Variants in MAN1A2 observed in about 807,000 individuals in gnomAD.
MAN1A2 encodes mannosyl-oligosaccharide 1,2-alpha-mannosidase IB.
In MAN1A2, 26 loss-of-function variants were observed where a neutral mutation model predicts 75.7. The ratio of observed to expected loss-of-function variants is 0.34; its 90% CI spans 0.25 to 0.48. The LOEUF (loss-of-function observed/expected upper bound fraction) is 0.48. Among genes scored for constraint, MAN1A2 ranks in the 20% least tolerant of loss-of-function variants. The pLI is 0.99. For missense variants in MAN1A2, 562 were observed against 775.5 expected, an observed-to-expected ratio of 0.72 and a Z score of 3.27; for synonymous variants, 247 against 264.6, an observed-to-expected ratio of 0.93 and a Z score of 0.65.
At chr1:117,438,959 C>T (rs1648937448) in intron 5 of MAN1A2, among the ~76,000 whole-genome samples, 1 of 152,040 alleles carries the variant, frequency 6.6e-6, no homozygotes, top group Admixed American at 6.6e-5. Flanking sequence ...TGGGATGGGG[C>T]ATAAAGGAGT....
At chr1:117,403,107 G>A (rs908226311) in intron 2 of MAN1A2, among the ~76,000 whole-genome samples, 4 of 152,138 alleles carry the variant, frequency 2.6e-5, no homozygotes, top group Non-Finnish European at 5.9e-5. Flanking sequence ...TCTGGGTGGA[G>A]TTTGTGATTA....
At position 117,526,594 on chromosome 1, in the gene MAN1A2, C is replaced by T. The variant is rs1303843370; in HGVS notation, c.*3637C>T. On this transcript the variant is annotated 3_prime_UTR_variant, in exon 13 of 13. Coordinates refer to ENST00000356554, the MANE Select transcript of MAN1A2 (RefSeq NM_006699.5). ...TCACTTTAATTGCATAATTAAAAAG[C>T]AGTGTTTTATAGAAATGCTGGTTAT... The T allele has an allele frequency of 6.6e-6, 1 of 151,012 alleles. No homozygotes were observed. The allele number at this position is 151,012 out of a possible 1,614,324, so 9.4% of individuals were successfully genotyped here.
At chr1:117,440,685 G>T (rs12121217) in intron 5 of MAN1A2, among the ~76,000 whole-genome samples, 17,612 of 151,884 alleles carry the variant, frequency 0.12, 1,095 homozygotes, top group Non-Finnish European at 0.14. Flanking sequence ...TATATTATTG[G>T]TTTATTCTGG....
intron 1 of MAN1A2, among the ~76,000 whole-genome samples, chr1:117,393,586 A>T (rs1653803478): frequency 6.6e-6 from 1 of 152,114 alleles, no homozygotes; most frequent in South Asian, 2.1e-4. Flanking sequence ...ACTTTGTCAT[A>T]AAAAAACTTT....
chr1:117,509,306 A>G (rs1651462532), intron 12 of MAN1A2, among the ~76,000 whole-genome samples: 1 of 151,918 alleles, frequency 6.6e-6, no homozygotes, highest in Non-Finnish European at 1.5e-5. Context: ...TAAGAAATAA[A>G]TGAAATAATA....
intron 8 of MAN1A2, among the ~76,000 whole-genome samples, chr1:117,469,303 TAACTC>T (rs1650068662): frequency 6.6e-6 from 1 of 152,056 alleles, no homozygotes. Flanking sequence ...CTACAAAAAT[TAACTC>T]AAAACAGATC....
chr1:117,469,936 T>C (rs1400771617), intron 8 of MAN1A2, among the ~76,000 whole-genome samples: 1 of 152,070 alleles, frequency 6.6e-6, no homozygotes, highest in Non-Finnish European at 1.5e-5. Context: ...AACATAGAAT[T>C]ACCATATGAC....
intron 3 of MAN1A2, among the ~76,000 whole-genome samples, chr1:117,408,302 T>TAAAA (rs1245208449): frequency 2.5e-5 from 3 of 119,682 alleles, no homozygotes; most frequent in East Asian, 2.4e-4. Flanking sequence ...CCCTTTCTCT[T>TAAAA]AAAAAAAAAA....
chr1:117,480,767 C>A (rs1282608847), intron 8 of MAN1A2, among the ~76,000 whole-genome samples: 1 of 151,846 alleles, frequency 6.6e-6, no homozygotes, highest in African/African-American at 2.4e-5. Context: ...TCCCTCTGAA[C>A]AACATGAAAA....
chr1:117,523,065 G>C lies in MAN1A2; in HGVS notation c.*108G>C, dbSNP rs2101036248. 1.7e-6 allele frequency: 2 copies of C among 1,203,182 alleles called. No homozygotes were observed. The highest frequency in any genetic ancestry group is 4.7e-5 in the East Asian group (2 of 42,806). 74.5% of individuals were successfully genotyped at this position (1,203,182 alleles called of 1,614,324 possible). ...AAAACCTGGACCTCTATGTCAACAT[G>C]ACAGGGTGAAACTATTCCCCCTAAG... On this transcript the variant is annotated 3_prime_UTR_variant, in exon 13 of 13. Transcript: ENST00000356554.
chr1:117,384,001 T>C (rs1007861141), intron 1 of MAN1A2, among the ~76,000 whole-genome samples: 8 of 152,304 alleles, frequency 5.3e-5, no homozygotes, highest in African/African-American at 1.4e-4. Flanking sequence ...ATTTTAGTTA[T>C]TTGCATCTTC....
chr1:117,425,162 A>C, intron 5 of MAN1A2, among the ~76,000 whole-genome samples: 1 of 125,768 alleles, frequency 8.0e-6, no homozygotes, highest in African/African-American at 2.9e-5. Context: ...AAGGAGGGCA[A>C]AGGGGGGAGG....
chr1:117,386,768 A>AGTCCCTGTTTCTAGAGACCCTGGCTCTAG (rs1557929192), intron 1 of MAN1A2, among the ~76,000 whole-genome samples: 1 of 151,898 alleles, frequency 6.6e-6, no homozygotes. Context: ...CTGTCTCTAG[A>AGTCCCTGTTTCTAGAGACCCTGGCTCTAG]AAAAAATAAA....
rs1342445541 is a variant in MAN1A2, at chr1:117,445,870, G to GTATATA, written c.950+3546_950+3547insATATAT. The stretch of plus-strand genomic sequence containing the variant: ...TGTGTGTGTGTGTGTATGTGTGTGT[G>GTATATA]TGTCTGTGTGTGTGTATATATATAT... On this transcript the variant is annotated intron_variant, in intron 6 of 12. Coordinates refer to ENST00000356554, the MANE Select transcript of MAN1A2 (RefSeq NM_006699.5). Among the ~76,000 whole-genome samples, 36 of 114,688 alleles carry GTATATA rather than the reference G, an allele frequency of 3.1e-4. 1 individual carries two copies. Among genetic ancestry groups the GTATATA allele is most frequent in the Middle Eastern group, 8.4e-3 (2 of 238 alleles). The allele number at this position is 114,688 out of a possible 152,430, so 75.2% of individuals were successfully genotyped here. A position where few individuals can be genotyped will look rare whatever the true frequency, so the allele number is the denominator to read the frequency against.
rs193017507 is a variant in MAN1A2 at position 117,520,780 on chromosome 1, A to G, written c.1794-2045A>G. 2.6e-5 allele frequency among the ~76,000 whole-genome samples: 4 copies of G among 152,170 alleles called. No individual in the cohort carries two copies. In the East Asian group the frequency reaches 7.7e-4, roughly 29 times the overall value. ...TACAAATTCAATGCATTTCCTGTCA[A>G]AATACCACCATCATTCTTCACCGAA... is the stretch of plus-strand genomic sequence containing the variant. On this transcript the variant is annotated intron_variant, in intron 12 of 12. Transcript: ENST00000356554.
In MAN1A2 at chr1:117,373,600, TC is replaced by T. The variant is rs1478022040; in HGVS notation, c.302+5116del. Reference sequence around the variant, plus strand: ...TGAAGTGATCCTCCTGTCTTAGCCTTCTGAGTAGCTGAAACTATGGGCATGA... The same window carrying T: ...TGAAGTGATCCTCCTGTCTTAGCCTTTGAGTAGCTGAAACTATGGGCATGA... On this transcript the variant is annotated intron_variant, in intron 1 of 12. Coordinates refer to ENST00000356554, the MANE Select transcript of MAN1A2 (RefSeq NM_006699.5). Among the ~76,000 whole-genome samples, 32 of 152,016 alleles carry T rather than the reference TC, an allele frequency of 2.1e-4. No homozygotes were observed. The East Asian group carries it at 6.2e-3, about 29-fold the overall frequency.
chr1:117,448,957 C>T (rs925553146), intron 6 of MAN1A2, among the ~76,000 whole-genome samples: 23 of 152,046 alleles, frequency 1.5e-4, no homozygotes, highest in African/African-American at 5.6e-4. Context: ...GCATATATCA[C>T]ATTTTGATAA....
rs1249368442 is a variant in MAN1A2 at position 117,527,166 on chromosome 1, A to G, written c.*4209A>G. On this transcript the variant is annotated 3_prime_UTR_variant, in exon 13 of 13. Coordinates refer to ENST00000356554, the MANE Select transcript of MAN1A2 (RefSeq NM_006699.5). ...GATCAGGATGGACATGCTCTTTTTG[A>G]TCTATAACTGTTCAGCCAGCTTCCA... 1.3e-5 allele frequency: 2 copies of G among 151,690 alleles called. No individual in the cohort carries two copies. Among genetic ancestry groups the G allele is most frequent in the Non-Finnish European group, 2.9e-5 (2 of 67,818 alleles). 9.4% of individuals were successfully genotyped at this position (151,690 alleles called of 1,614,324 possible). A position where few individuals can be genotyped will look rare whatever the true frequency, so the allele number is the denominator to read the frequency against.
intron 7 of MAN1A2, among the ~76,000 whole-genome samples, chr1:117,462,857 G>A (rs1467672861): frequency 1.3e-5 from 2 of 152,080 alleles, no homozygotes; most frequent in African/African-American, 4.8e-5. Flanking sequence ...TGACAAATAT[G>A]AAACTCAAGA....
Sources: allele counts gnomAD v4.1 joint callset (sites outside exome capture counted in the v4.1 genomes callset), GRCh38; gene constraint gnomAD v4.1.1; transcripts MANE v1.5; gene names NCBI Gene and HGNC (gene_info 2026-07-23, HGNC 2026-07-21).